RBFOX1: variants seen among roughly 807,000 people sequenced by gnomAD.
RBFOX1 encodes RNA binding fox-1 homolog 1.
RBFOX1 carries 8 observed loss-of-function variants against 57.7 expected under a neutral mutation model. The observed-to-expected ratio is 0.14, with a 90% CI of 0.08 to 0.25. The LOEUF (loss-of-function observed/expected upper bound fraction) is 0.25, where lower values mean the gene tolerates loss of function less well. Among genes scored for constraint, RBFOX1 ranks in the 10% least tolerant of loss-of-function variants. The pLI, the probability that RBFOX1 is intolerant of heterozygous loss-of-function variation, is 1.00. For synonymous variants in RBFOX1, 326 were observed against 222.4 expected (o/e 1.47, Z -4.15); for missense variants, 611 against 548.5 (o/e 1.11, Z -1.14).
At chr16:7,170,076 A>T (rs1244516663) in intron 4 of RBFOX1, among the ~76,000 whole-genome samples, 1 of 152,038 alleles carries the variant, frequency 6.6e-6, no homozygotes, top group African/African-American at 2.4e-5. Context: ...CCTGTCTCAA[A>T]ATAAATAAAT....
chr16:7,655,467 G>C (rs937708847), intron 12 of RBFOX1, among the ~76,000 whole-genome samples: 13 of 152,180 alleles, frequency 8.5e-5, no homozygotes, highest in African/African-American at 3.1e-4. Flanking sequence ...AAATGTATTT[G>C]TATGTCTTAA....
intron 5 of RBFOX1, among the ~76,000 whole-genome samples, chr16:7,522,170 A>G (rs984145952): frequency 3.3e-5 from 5 of 152,224 alleles, no homozygotes; most frequent in Non-Finnish European, 7.3e-5. Context: ...TTCAGAATAA[A>G]TCATTAAAGA....
At chr16:6,968,077 A>G (rs1057160670) in intron 3 of RBFOX1, among the ~76,000 whole-genome samples, 1 of 152,108 alleles carries the variant, frequency 6.6e-6, no homozygotes, top group Admixed American at 6.5e-5. Flanking sequence ...CCTCGGATGC[A>G]TGAGAGAGCC....
At chr16:6,832,056 T>C (rs865837373) in intron 3 of RBFOX1, among the ~76,000 whole-genome samples, 3 of 152,230 alleles carry the variant, frequency 2.0e-5, no homozygotes, top group Non-Finnish European at 2.9e-5. Flanking sequence ...AAGAATATAA[T>C]TGCATATTAA....
intron 3 of RBFOX1, among the ~76,000 whole-genome samples, chr16:5,797,361 A>G (rs1242297495): frequency 6.6e-6 from 1 of 152,206 alleles, no homozygotes; most frequent in East Asian, 1.9e-4. Context: ...CTCCACTTCA[A>G]GGACCGTCTT....
intron 3 of RBFOX1, among the ~76,000 whole-genome samples, chr16:5,710,423 C>T (rs1014260787): frequency 6.6e-5 from 10 of 152,122 alleles, no homozygotes; most frequent in Non-Finnish European, 1.0e-4. Flanking sequence ...TGCGCAGTTG[C>T]GGGCCTCCAA....
intron 1 of RBFOX1, among the ~76,000 whole-genome samples, chr16:5,300,680 T>C (rs1011777585): frequency 2.6e-5 from 4 of 152,218 alleles, no homozygotes; most frequent in Non-Finnish European, 5.9e-5. Flanking sequence ...TCAATTCATA[T>C]GATAACTGTA....
intron 4 of RBFOX1, among the ~76,000 whole-genome samples, chr16:7,184,691 T>A (rs1316314834): frequency 6.6e-6 from 1 of 152,102 alleles, no homozygotes; most frequent in Non-Finnish European, 1.5e-5. Context: ...CAAACCTGAT[T>A]ATGAGCTCTT....
At chr16:5,372,785 G>C (rs780586261) in intron 1 of RBFOX1, among the ~76,000 whole-genome samples, 136 of 152,372 alleles carry the variant, frequency 8.9e-4, no homozygotes, top group Non-Finnish European at 1.7e-3. Flanking sequence ...TGGTAAATGA[G>C]AACATTGTTC....
intron 3 of RBFOX1, among the ~76,000 whole-genome samples, chr16:5,798,749 CTTAA>C (rs1300465915): frequency 2.6e-5 from 4 of 152,196 alleles, no homozygotes; most frequent in African/African-American, 9.6e-5. Flanking sequence ...GAAGGAAAAT[CTTAA>C]TTAAGTCATG....
At chr16:5,996,814 T>G (rs1056119150) in intron 4 of RBFOX1, among the ~76,000 whole-genome samples, 2 of 152,160 alleles carry the variant, frequency 1.3e-5, no homozygotes, top group African/African-American at 4.8e-5. Context: ...TCTCTGCTAG[T>G]GCTCTCCATC....
At chr16:5,895,158 T>C (rs1005707432) in intron 4 of RBFOX1, among the ~76,000 whole-genome samples, 4 of 152,368 alleles carry the variant, frequency 2.6e-5, no homozygotes, top group African/African-American at 7.2e-5. Flanking sequence ...CATAAGATTG[T>C]CCATATCAAC....
At chr16:5,657,737 C>CTTTTCT (rs1484205668) in intron 3 of RBFOX1, among the ~76,000 whole-genome samples, 1 of 115,346 alleles carries the variant, frequency 8.7e-6, no homozygotes, top group African/African-American at 3.1e-5. Flanking sequence ...CTTTTCTTTT[C>CTTTTCT]TTTTTTTTTT....
intron 1 of RBFOX1, among the ~76,000 whole-genome samples, chr16:5,440,475 T>A (rs1450654834): frequency 6.6e-6 from 1 of 152,200 alleles, no homozygotes; most frequent in African/African-American, 2.4e-5. Flanking sequence ...AGGACTAAAG[T>A]CTCTAGGACT....
At chr16:5,714,821 C>G (rs72765161) in intron 3 of RBFOX1, among the ~76,000 whole-genome samples, 1 of 152,200 alleles carries the variant, frequency 6.6e-6, no homozygotes, top group African/African-American at 2.4e-5. Context: ...CACTGCGTCA[C>G]AGATGTGGGA....
chr16:6,752,465 G>T (rs1204307015), intron 3 of RBFOX1, among the ~76,000 whole-genome samples: 2 of 152,298 alleles, frequency 1.3e-5, no homozygotes, highest in East Asian at 3.9e-4. Context: ...GATGGAATAT[G>T]ACATGCTCTG....
At chr16:5,372,777 G>C (rs906866348) in intron 1 of RBFOX1, among the ~76,000 whole-genome samples, 3 of 152,234 alleles carry the variant, frequency 2.0e-5, no homozygotes, top group African/African-American at 7.2e-5. Context: ...AAGGAGATTG[G>C]TAAATGAGAA....
chr16:7,124,141 T>C (rs1287203849), intron 4 of RBFOX1, among the ~76,000 whole-genome samples: 2 of 152,190 alleles, frequency 1.3e-5, no homozygotes, highest in Non-Finnish European at 2.9e-5. Context: ...AACTTGTACA[T>C]AAAATAAAAG....
At chr16:5,968,658 C>G (rs1567202583) in intron 4 of RBFOX1, among the ~76,000 whole-genome samples, 1 of 151,964 alleles carries the variant, frequency 6.6e-6, no homozygotes, top group Non-Finnish European at 1.5e-5. Flanking sequence ...ATTTGCAATC[C>G]TATCCTTGAC....
Sources: gnomAD v4.1 joint callset for allele counts (sites outside exome capture counted in the v4.1 genomes callset) on GRCh38, gnomAD v4.1.1 for gene constraint, MANE v1.5 for transcripts, NCBI Gene and HGNC (gene_info 2026-07-23, HGNC 2026-07-21) for gene names.